Variants in CASP8 observed in about 807,000 individuals in gnomAD.
CASP8 encodes the protein caspase-8.
A neutral mutation model predicts 46.3 loss-of-function variants in CASP8; 24 were observed. The observed-to-expected ratio is 0.52, with a 90% CI of 0.38 to 0.73. CASP8 has a LOEUF of 0.73. CASP8 is among the 30% of genes least tolerant of loss of function. The pLI, the probability that CASP8 is intolerant of heterozygous loss-of-function variation, is 0.00. For missense variants in CASP8, 460 were observed against 559.0 expected (o/e 0.82, Z 1.79); for synonymous variants, 188 against 200.4 (o/e 0.94, Z 0.52).
intron 1 of CASP8, among the ~76,000 whole-genome samples, chr2:201,264,738 G>T (rs1947674215): frequency 6.6e-6 from 1 of 152,154 alleles, no homozygotes; most frequent in Admixed American, 6.5e-5. Context: ...AGGCTGAGGT[G>T]GGAGGATGGC....
At chr2:201,258,449 T>C (rs756003653), upstream of CASP8, 31 of 1,594,638 alleles carry the variant, frequency 1.9e-5, no homozygotes, top group Non-Finnish European at 2.5e-5. Flanking sequence ...CTTGACTTGC[T>C]CTAGAAACAG....
At chr2:201,245,250 T>G (rs751066422) in intron 2 of CASP8, among the ~76,000 whole-genome samples, 1 of 151,888 alleles carries the variant, frequency 6.6e-6, no homozygotes, top group African/African-American at 2.4e-5. Context: ...TTATTTGTTT[T>G]TGTTTTTTTT....
At chr2:201,251,297 G>A (rs964758318) in intron 2 of CASP8, among the ~76,000 whole-genome samples, 2 of 152,008 alleles carry the variant, frequency 1.3e-5, no homozygotes, top group African/African-American at 4.8e-5. Context: ...TGGATCTTGC[G>A]GTAAGCATAT....
chr2:201,254,754 A>C (rs1489946078), intron 2 of CASP8, among the ~76,000 whole-genome samples: 1 of 152,178 alleles, frequency 6.6e-6, no homozygotes, highest in Non-Finnish European at 1.5e-5. Flanking sequence ...ATGGTAGGAG[A>C]CACAGTAGTC....
intron 2 of CASP8, 102 bp from the exon 3 acceptor site, chr2:201,271,414 G>C (rs1242353603): frequency 9.0e-6 from 7 of 779,368 alleles, no homozygotes; most frequent in Non-Finnish European, 1.6e-5. Context: ...CTGGCTTTAT[G>C]TTGAAGGGAG....
chr2:201,273,619 G>C (rs2125273557), intron 5 of CASP8, among the ~76,000 whole-genome samples: 1 of 152,048 alleles, frequency 6.6e-6, no homozygotes, highest in Admixed American at 6.5e-5. Flanking sequence ...GATAAGCGAG[G>C]CTGAACCAAG....
intron 7 of CASP8, among the ~76,000 whole-genome samples, chr2:201,281,390 T>C (rs1179373946): frequency 6.6e-6 from 1 of 152,190 alleles, no homozygotes; most frequent in Non-Finnish European, 1.5e-5. Context: ...GCCCAAATGC[T>C]TATTCTCCAT....
rs578112993 is a variant in CASP8 at position 201,261,701 on chromosome 2, T to A, written c.-27+1088T>A. Among the ~76,000 whole-genome samples the A allele has an allele frequency of 6.7e-4, 102 of 152,190 alleles. 5 individuals carry two copies. The South Asian group carries it at 0.021, about 31-fold the overall frequency. On this transcript the variant is annotated intron_variant, in intron 1 of 8. Transcript: ENST00000673742. Reference sequence around the variant, plus strand: ...GGCAGCCAGCCTGGATTGGAGGGAGTGGCAATACTACCTGCCGGTTAGGGG... The same window carrying A: ...GGCAGCCAGCCTGGATTGGAGGGAGAGGCAATACTACCTGCCGGTTAGGGG...
chr2:201,256,777 T>C (rs1337253346), upstream of CASP8, among the ~76,000 whole-genome samples: 3 of 152,280 alleles, frequency 2.0e-5, no homozygotes, highest in East Asian at 3.9e-4. Flanking sequence ...GTGCAACATA[T>C]AGGTAATGTG....
intron 7 of CASP8, among the ~76,000 whole-genome samples, chr2:201,282,585 C>G (rs79761370): frequency 0.22 from 20,348 of 92,378 alleles, 1,118 homozygotes; most frequent in Non-Finnish European, 0.26. Flanking sequence ...CCACCGCCCT[C>G]CCGGACGGGG....
intron 1 of CASP8, among the ~76,000 whole-genome samples, chr2:201,261,391 C>CAAAAAAAAA (rs11335061): frequency 1.1e-5 from 1 of 88,540 alleles, no homozygotes. Context: ...AACTCCGTCT[C>CAAAAAAAAA]AAAAAAAAAA....
intron 7 of CASP8, among the ~76,000 whole-genome samples, chr2:201,284,555 C>T (rs1949422578): frequency 1.4e-5 from 1 of 70,578 alleles, no homozygotes; most frequent in African/African-American, 4.7e-5. Flanking sequence ...CGCGCGCCTG[C>T]AATCGCAGGC....
intron 2 of CASP8, among the ~76,000 whole-genome samples, chr2:201,245,633 C>A (rs1946478437): frequency 6.6e-6 from 1 of 152,176 alleles, no homozygotes; most frequent in Admixed American, 6.5e-5. Flanking sequence ...ACTTCCTTAT[C>A]ATAGACCCAG....
At chr2:201,262,255 G>C (rs1861268) in intron 1 of CASP8, 1 of 151,844 alleles carries the variant, frequency 6.6e-6, no homozygotes, top group East Asian at 1.9e-4. Flanking sequence ...AGAAAAATGG[G>C]GACAGTAATA....
rs1445374769 is a variant in CASP8 at position 201,272,283 on chromosome 2, G to A, written c.412-355G>A. Reference sequence around the variant, plus strand: ...ATGTACTCAGGTCTGGAGAGGCAATGCTGGGGGTGAGGCTGTTCCCCAGGG... The same window carrying A: ...ATGTACTCAGGTCTGGAGAGGCAATACTGGGGGTGAGGCTGTTCCCCAGGG... On this transcript the variant is annotated intron_variant, in intron 3 of 8. Transcript: ENST00000673742. This position sits in a 1 kb window ranked among gnomAD's most constrained non-coding sequence, Gnocchi z 4.4. 6.6e-6 allele frequency among the ~76,000 whole-genome samples: 1 copy of A among 152,048 alleles called. No individual in the cohort carries two copies. Among genetic ancestry groups the A allele is most frequent in the East Asian group, 1.9e-4 (1 of 5,186 alleles).
At chr2:201,277,704 T>A (rs553253860) in intron 7 of CASP8, 4 of 246,448 alleles carry the variant, frequency 1.6e-5, no homozygotes, top group Non-Finnish European at 3.2e-5. Flanking sequence ...CTATTAACAT[T>A]TTTTTTTTTT....
intron 2 of CASP8, among the ~76,000 whole-genome samples, chr2:201,270,325 C>T (rs776190922): frequency 1.3e-5 from 2 of 152,116 alleles, no homozygotes; most frequent in Non-Finnish European, 2.9e-5. Flanking sequence ...GTGTAACCCT[C>T]GAAACCTTCC....
chr2:201,258,203 T>C (rs375965679), upstream of CASP8: 507 of 1,606,550 alleles, frequency 3.2e-4, 2 homozygotes, highest in African/African-American at 5.6e-3. Context: ...CTGCTGAATT[T>C]GCTAGTCAAC....
In CASP8 at chr2:201,286,621, G is replaced by C. The variant is rs1189553854; in HGVS notation, c.*27G>C. On this transcript the variant is annotated 3_prime_UTR_variant, in exon 9 of 9. Transcript: ENST00000673742. ...GGTGCTATTTTGTTTGTTTTGTTTT[G>C]TTTTGTTTTTTTGAGACAGAATCTC... is the stretch of plus-strand genomic sequence containing the variant. The C allele has an allele frequency of 1.2e-6, 2 of 1,606,430 alleles. No homozygotes were observed. Among genetic ancestry groups the C allele is most frequent in the African/African-American group, 2.7e-5 (2 of 74,578 alleles).
Sources: allele counts gnomAD v4.1 joint callset (sites outside exome capture counted in the v4.1 genomes callset), GRCh38; gene constraint gnomAD v4.1.1; non-coding constraint Gnocchi (gnomAD v3.1); transcripts MANE v1.5; gene names NCBI Gene and HGNC (gene_info 2026-07-23, HGNC 2026-07-21).